Variants in TLL2 observed in about 807,000 individuals in gnomAD.
The protein encoded by TLL2 is tolloid like 2, also known as tolloid-like protein 2.
Under a neutral mutation model 123.0 loss-of-function variants are expected in TLL2, and 106 were observed. That is an observed-to-expected ratio of 0.86 (90% CI 0.74 to 1.01). The LOEUF (loss-of-function observed/expected upper bound fraction) is 1.01. TLL2 is among the 50% of genes least tolerant of loss of function. The pLI, the probability that TLL2 is intolerant of heterozygous loss-of-function variation, is 0.00. For missense variants in TLL2, 1,332 were observed against 1,336.7 expected (o/e 1.00, Z 0.06); for synonymous variants, 494 against 516.8 (o/e 0.96, Z 0.60).
chr10:96,452,966 C>G (rs756333072), intron 2 of TLL2, among the ~76,000 whole-genome samples: 2 of 152,108 alleles, frequency 1.3e-5, no homozygotes, highest in Admixed American at 1.3e-4. Context: ...CTTTTATATC[C>G]GTGCCAAATT....
Position 96,386,819 on chromosome 10 carries a change from G to A in TLL2, c.1852+134C>T, listed in dbSNP as rs537296830. On this transcript the variant is annotated intron_variant, in intron 14 of 20. Transcript: ENST00000357947. ...AGGCTGTTTCTCCTTCTAGGAAGTAGGTGGGTCTTCCACCATGTCTGCCCA... is the reference window on the plus strand; with the variant it reads ...AGGCTGTTTCTCCTTCTAGGAAGTAAGTGGGTCTTCCACCATGTCTGCCCA... 9 of 1,304,288 alleles carry A rather than the reference G, an allele frequency of 6.9e-6. No individual in the cohort carries two copies. The South Asian group carries it at 1.1e-4, about 16-fold the overall frequency. The allele number at this position is 1,304,288 out of a possible 1,614,324, so 80.8% of individuals were successfully genotyped here. A position where few individuals can be genotyped will look rare whatever the true frequency, so the allele number is the denominator to read the frequency against.
At chr10:96,446,001 G>T in intron 3 of TLL2, 90 bp downstream of exon 3, 1 of 1,304,600 alleles carries the variant, frequency 7.7e-7, no homozygotes, top group Non-Finnish European at 1.1e-6. Context: ...TAAAGGGTAT[G>T]CTTTAAAATG....
intron 8 of TLL2, among the ~76,000 whole-genome samples, chr10:96,411,409 C>T (rs755425880): frequency 2.6e-5 from 4 of 151,776 alleles, no homozygotes; most frequent in Non-Finnish European, 5.9e-5. Context: ...ATAAAGCAGT[C>T]AAGAAAACAA....
chr10:96,388,796 C>T (rs1846259832), intron 13 of TLL2, among the ~76,000 whole-genome samples: 1 of 152,130 alleles, frequency 6.6e-6, no homozygotes, highest in South Asian at 2.1e-4. Context: ...GGTTGCATTT[C>T]ACTCGGTAAA....
chr10:96,448,629 A>T (rs1846923694), intron 2 of TLL2, among the ~76,000 whole-genome samples: 1 of 152,130 alleles, frequency 6.6e-6, no homozygotes, highest in African/African-American at 2.4e-5. Context: ...TTATATTCTG[A>T]TGAAGGGTAG....
In TLL2 at chr10:96,461,103, T is replaced by C. The variant is rs1253799718; in HGVS notation, c.287-14935A>G. On this transcript the variant is annotated intron_variant, in intron 2 of 20. Coordinates refer to ENST00000357947, the MANE Select transcript of TLL2 (RefSeq NM_012465.4). ...AATGAAGATAAAAGCAAAAACAAGA[T>C]ACCACTTTCCAGCTATTAAATTAGC... Among the ~76,000 whole-genome samples the C allele has an allele frequency of 2.0e-5, 3 of 152,180 alleles. No homozygotes were observed. In the East Asian group the frequency reaches 5.8e-4, roughly 29 times the overall value.
chr10:96,506,250 T>G (rs1228819483), intron 1 of TLL2, among the ~76,000 whole-genome samples: 1 of 4,286 alleles, frequency 2.3e-4, no homozygotes. Flanking sequence ...AGACCCCATC[T>G]CAAAAAAAAA....
At chr10:96,453,595 C>G (rs2134090722) in intron 2 of TLL2, among the ~76,000 whole-genome samples, 1 of 152,198 alleles carries the variant, frequency 6.6e-6, no homozygotes, top group Admixed American at 6.5e-5. Flanking sequence ...CAACTACATC[C>G]CCAACAGGGG....
chr10:96,414,684 C>T (rs1269011067), intron 7 of TLL2, among the ~76,000 whole-genome samples: 1 of 152,156 alleles, frequency 6.6e-6, no homozygotes, highest in African/African-American at 2.4e-5. Context: ...CCTCGTAACA[C>T]CTCCCCTGGG....
chr10:96,386,279 C>T (rs1444661334), intron 14 of TLL2, 64 bp from the exon 15 acceptor site: 26 of 1,453,800 alleles, frequency 1.8e-5, no homozygotes, highest in Non-Finnish European at 2.4e-5. Flanking sequence ...TGATTTCCCA[C>T]CAGGAGCAAT....
intron 18 of TLL2, chr10:96,374,193 T>G (rs1846113224): frequency 4.4e-6 from 1 of 226,756 alleles, no homozygotes; most frequent in Non-Finnish European, 8.7e-6. Flanking sequence ...CACTTAGGGC[T>G]AAGAGCCAGC....
intron 2 of TLL2, among the ~76,000 whole-genome samples, chr10:96,456,691 G>A (rs1462425246): frequency 6.6e-6 from 1 of 152,220 alleles, no homozygotes; most frequent in Non-Finnish European, 1.5e-5. Flanking sequence ...GATGCCCTCG[G>A]AGCCATCCAA....
intron 1 of TLL2, among the ~76,000 whole-genome samples, chr10:96,486,366 T>TA (rs1847356782): frequency 6.6e-6 from 1 of 152,190 alleles, no homozygotes; most frequent in African/African-American, 2.4e-5. Flanking sequence ...TAGTTATACT[T>TA]AAGAGAATCA....
At chr10:96,441,616 T>C (rs569000499) in intron 3 of TLL2, among the ~76,000 whole-genome samples, 56 of 152,310 alleles carry the variant, frequency 3.7e-4, no homozygotes, top group African/African-American at 9.9e-4. Flanking sequence ...AGATAAATGC[T>C]GCCATTTGCT....
At chr10:96,423,714 T>C (rs766550386) in intron 5 of TLL2, among the ~76,000 whole-genome samples, 2 of 152,210 alleles carry the variant, frequency 1.3e-5, no homozygotes, top group African/African-American at 4.8e-5. Context: ...GAAATTTTGA[T>C]AGATACTGTC....
intron 1 of TLL2, among the ~76,000 whole-genome samples, chr10:96,506,747 T>A (rs899210082): frequency 1.3e-5 from 2 of 151,654 alleles, no homozygotes; most frequent in Non-Finnish European, 2.9e-5. Context: ...GAGGAAAGGA[T>A]GCTCTCCCAA....
rs541271127 is a variant in TLL2 at position 96,389,552 on chromosome 10, CAGA to C, written c.1727-2477_1727-2475del. Among the ~76,000 whole-genome samples the C allele has an allele frequency of 2.6e-3, 401 of 152,260 alleles. 1 individual carries two copies. The highest frequency in any genetic ancestry group is 7.9e-3 in the African/African-American group (328 of 41,538). ...ATGGACGGGCAGGAGGGCAGCACAG[CAGA>C]AGAACTCAAGACACTGGCTGGGGGA... is the stretch of plus-strand genomic sequence containing the variant. On this transcript the variant is annotated intron_variant, in intron 13 of 20. Transcript: ENST00000357947.
chr10:96,386,977 C>A lies in TLL2; in HGVS notation c.1828G>T (p.Ala610Ser), dbSNP rs776786669. ...KCACDPGYEL[A>S]ADKKMCEVAC... ...CCTTCACACATCTTCTTATCGGCGGCCAGCTCGTAGCCAGGGTCACAGGCA... is the reference window on the plus strand; with the variant it reads ...CCTTCACACATCTTCTTATCGGCGGACAGCTCGTAGCCAGGGTCACAGGCA... The change falls in exon 14 of 21, where the codon GCC becomes TCC. Residue 610 changes from alanine to serine, a missense_variant. By Grantham distance (99) the Ala-to-Ser change is moderately conservative. Transcript: ENST00000357947. The A allele has an allele frequency of 1.9e-6, 3 of 1,614,004 alleles. No homozygotes were observed. The South Asian group carries it at 3.3e-5, about 18-fold the overall frequency.
intron 2 of TLL2, among the ~76,000 whole-genome samples, chr10:96,473,008 C>T (rs1272137084): frequency 6.6e-6 from 1 of 151,858 alleles, no homozygotes; most frequent in Non-Finnish European, 1.5e-5. Flanking sequence ...AAATCCAGAG[C>T]TCAAACTGGC....
Sources: allele counts gnomAD v4.1 joint callset (sites outside exome capture counted in the v4.1 genomes callset), GRCh38; gene constraint gnomAD v4.1.1; transcripts MANE v1.5; gene names NCBI Gene and HGNC (gene_info 2026-07-23, HGNC 2026-07-21).